HIVEP3: variants seen among roughly 807,000 people sequenced by gnomAD.
HIVEP3 encodes the protein HIVEP zinc finger 3, also known as transcription factor HIVEP3.
HIVEP3 carries 49 observed loss-of-function variants against 152.8 expected under a neutral mutation model. The observed-to-expected ratio is 0.32, with a 90% CI of 0.26 to 0.41. The LOEUF (loss-of-function observed/expected upper bound fraction) is 0.41, where lower values mean the gene tolerates loss of function less well. Ranked by LOEUF, HIVEP3 falls within the 10% of genes least tolerant of loss-of-function variation. The pLI, the probability that HIVEP3 is intolerant of heterozygous loss-of-function variation, is 1.00. For synonymous variants in HIVEP3, 1,269 were observed against 1,289.0 expected (o/e 0.98, Z 0.33); for missense variants, 2,790 against 3,103.3 (o/e 0.90, Z 2.40).
intron 1 of HIVEP3, among the ~76,000 whole-genome samples, chr1:41,885,435 G>A (rs764730275): frequency 6.6e-6 from 1 of 152,118 alleles, no homozygotes; most frequent in Non-Finnish European, 1.5e-5. Flanking sequence ...GGAGGCTGAG[G>A]CAGGCAGATC....
At position 41,513,619 on chromosome 1, in the gene HIVEP3, C is replaced by G. The variant is rs372550253; in HGVS notation, c.5602G>C (p.Glu1868Gln). The change falls in exon 8 of 9, where the codon GAG (glutamate) becomes CAG (glutamine). Residue 1868 changes from glutamate (E) to glutamine (Q), a missense_variant. Transcript: ENST00000372583. ...CTGGACAGCTCATCCTGGCTCTCCT[C>G]CTCATCCTCATCCTCGTCTTCGTCC... ...DLDEDEDEDE[E>Q]ESQDELSRPS... 2 of 1,613,800 alleles carry G rather than the reference C, an allele frequency of 1.2e-6. No homozygotes were observed. Among genetic ancestry groups the G allele is most frequent in the African/African-American group, 2.7e-5 (2 of 74,940 alleles).
rs1645723129 is a variant in HIVEP3 at position 41,662,137 on chromosome 1, CG to C, written c.-720-33191del. 1 of 150,046 alleles carries C rather than the reference CG, an allele frequency of 6.7e-6. No homozygotes were observed. The highest frequency in any genetic ancestry group is 2.4e-5 in the African/African-American group (1 of 41,110). 9.3% of individuals were successfully genotyped at this position (150,046 alleles called of 1,614,324 possible). On this transcript the variant is annotated intron_variant, in intron 2 of 8. Coordinates refer to ENST00000372583, the MANE Select transcript of HIVEP3 (RefSeq NM_024503.5). This position sits in a 1 kb window ranked among gnomAD's most constrained non-coding sequence, Gnocchi z 7.2. ...GCGCGGGGCGCTCGTTGCTTACCTG[CG>C]GGCGGCCGAGGCTCCGCTGCTCTGG...
intron 1 of HIVEP3, among the ~76,000 whole-genome samples, chr1:41,898,293 G>A (rs1043227932): frequency 3.3e-5 from 5 of 152,182 alleles, no homozygotes; most frequent in African/African-American, 4.8e-5. Flanking sequence ...AGCCAACAGG[G>A]CGGAAGGGAG....
intron 4 of HIVEP3, 40 bp downstream of exon 4, chr1:41,579,697 T>G (rs1226646213): frequency 2.8e-5 from 43 of 1,513,048 alleles, no homozygotes; most frequent in Non-Finnish European, 3.4e-5. Flanking sequence ...CAAGTGCTTT[T>G]GCAAATCAGT....
chr1:41,528,003 CT>C (rs1643058404), intron 5 of HIVEP3, among the ~76,000 whole-genome samples: 1 of 148,430 alleles, frequency 6.7e-6, no homozygotes, highest in Non-Finnish European at 1.5e-5. Flanking sequence ...CGCACTCACA[CT>C]CCACACCCCG....
At chr1:41,828,129 C>T (rs1348850151) in intron 1 of HIVEP3, among the ~76,000 whole-genome samples, 3 of 152,224 alleles carry the variant, frequency 2.0e-5, no homozygotes, top group South Asian at 2.1e-4. Flanking sequence ...TCCCCTGCAA[C>T]CCCAGTATGG....
At chr1:41,851,836 C>T (rs1263217444) in intron 1 of HIVEP3, among the ~76,000 whole-genome samples, 1 of 152,162 alleles carries the variant, frequency 6.6e-6, no homozygotes, top group East Asian at 1.9e-4. Flanking sequence ...AGAAAGCATG[C>T]TGGTGAGTCA....
intron 1 of HIVEP3, among the ~76,000 whole-genome samples, chr1:41,983,662 G>A (rs924798704): frequency 3.3e-5 from 5 of 151,934 alleles, no homozygotes; most frequent in African/African-American, 9.7e-5. Flanking sequence ...CTAAGTGGCC[G>A]ACTCACCAGC....
chr1:41,747,076 C>T (rs1647084068), intron 1 of HIVEP3, among the ~76,000 whole-genome samples: 1 of 152,160 alleles, frequency 6.6e-6, no homozygotes, highest in South Asian at 2.1e-4. Flanking sequence ...TGAGGATTCC[C>T]ACCTGTGAGA....
chr1:41,699,148 G>A (rs1156472344), intron 2 of HIVEP3, among the ~76,000 whole-genome samples: 2 of 152,236 alleles, frequency 1.3e-5, no homozygotes, highest in South Asian at 2.1e-4. Flanking sequence ...GGGAAGCCCC[G>A]AAAGTAAGTG....
In HIVEP3 at chr1:41,580,966, T is replaced by G; in HGVS notation, c.3832A>C (p.Ser1278Arg). ...LATGSAGLSP[S>R]TEYSSDIRLP... is the part of the protein sequence containing the mutation. ...CGGATGTCACTGCTGTACTCTGTGC[T>G]GGGGGAGAGGCCAGCACTTCCTGTT... The change falls in exon 4 of 9, where the codon AGC becomes CGC. Residue 1278 changes from serine to arginine, a missense_variant. Physicochemically the swap from Ser to Arg is moderately radical, Grantham distance 110 (BLOSUM62 -1). Around this residue, in one of 9 missense-constraint regions of HIVEP3, gnomAD observed 1,078 missense variants for 1,165.3 expected, o/e 0.93. Coordinates refer to ENST00000372583, the MANE Select transcript of HIVEP3 (RefSeq NM_024503.5). The G allele has an allele frequency of 6.2e-7, 1 of 1,602,424 alleles. No homozygotes were observed. Among genetic ancestry groups the G allele is most frequent in the Non-Finnish European group, 8.5e-7 (1 of 1,174,002 alleles).
At chr1:41,596,610 A>G (rs1273756798) in intron 3 of HIVEP3, among the ~76,000 whole-genome samples, 1 of 152,224 alleles carries the variant, frequency 6.6e-6, no homozygotes, top group Non-Finnish European at 1.5e-5. Context: ...GTAAAATATT[A>G]AAAATATTTA....
At chr1:41,660,892 C>A (rs1418578677) in intron 2 of HIVEP3, among the ~76,000 whole-genome samples, 1 of 152,214 alleles carries the variant, frequency 6.6e-6, no homozygotes, top group Admixed American at 6.5e-5. Context: ...TCAGAACTAA[C>A]AATCCACTGA....
intron 1 of HIVEP3, among the ~76,000 whole-genome samples, chr1:41,976,241 G>A (rs1290487367): frequency 6.6e-6 from 1 of 152,178 alleles, no homozygotes; most frequent in Non-Finnish European, 1.5e-5. Context: ...TACGTTTGTG[G>A]CGTCATTCAT....
At chr1:41,984,779 T>C (rs976290358) in intron 1 of HIVEP3, among the ~76,000 whole-genome samples, 3 of 152,190 alleles carry the variant, frequency 2.0e-5, no homozygotes, top group Non-Finnish European at 2.9e-5. Flanking sequence ...CTCTGAGACA[T>C]CATTTCATTA....
At chr1:41,669,055 T>A (rs1645836633) in intron 2 of HIVEP3, among the ~76,000 whole-genome samples, 1 of 152,132 alleles carries the variant, frequency 6.6e-6, no homozygotes, top group Non-Finnish European at 1.5e-5. Flanking sequence ...CAGTCAGCCA[T>A]GTACCTTCCG....
At chr1:42,002,095 T>A (rs1006386995) in intron 1 of HIVEP3, among the ~76,000 whole-genome samples, 25 of 152,012 alleles carry the variant, frequency 1.6e-4, no homozygotes, top group African/African-American at 5.8e-4. Flanking sequence ...TCTTTATTTT[T>A]AAAAAATAAA....
At chr1:41,961,508 G>C (rs1021476329) in intron 1 of HIVEP3, among the ~76,000 whole-genome samples, 4 of 152,244 alleles carry the variant, frequency 2.6e-5, no homozygotes, top group African/African-American at 9.6e-5. Context: ...CTTGGCACAA[G>C]CATGACACTG....
rs192804009 is a variant in HIVEP3 at position 41,511,161 on chromosome 1, G to A, written c.6511C>T (p.Arg2171Trp). The A allele has an allele frequency of 1.9e-5, 30 of 1,614,174 alleles. No individual in the cohort carries two copies. In the East Asian group the frequency reaches 2.7e-4, roughly 14 times the overall value. ...TGGCTGAAGATGTTCTCCTCTGTCCGGGCCAGGATGTGGCCGTGGAAGTCA... is the reference window on the plus strand; with the variant it reads ...TGGCTGAAGATGTTCTCCTCTGTCCAGGCCAGGATGTGGCCGTGGAAGTCA... ...LHDFHGHILA[R>W]TEENIFSHLP... The change falls in exon 9 of 9, where the codon CGG becomes TGG. Residue 2171 changes from arginine to tryptophan, a missense_variant. Physicochemically the swap from Arg to Trp is moderately radical, Grantham distance 101 (BLOSUM62 -3). This residue lies in a region of HIVEP3 where 816 missense variants were observed against 806.5 expected (regional missense o/e 1.01). Transcript: ENST00000372583. This position sits in a 1 kb window ranked among gnomAD's most constrained non-coding sequence, Gnocchi z 4.9.
Sources: allele counts gnomAD v4.1 joint callset (sites outside exome capture counted in the v4.1 genomes callset), GRCh38; gene constraint gnomAD v4.1.1; regional missense constraint gnomAD v4.1.1; non-coding constraint Gnocchi (gnomAD v3.1); transcripts MANE v1.5; gene names NCBI Gene and HGNC (gene_info 2026-07-23, HGNC 2026-07-21).